The following RNF31 variants were observed in gnomAD, a reference collection of about 807,000 sequenced individuals.
RNF31 encodes E3 ubiquitin-protein ligase RNF31.
RNF31 carries 38 observed loss-of-function variants against 133.6 expected under a neutral mutation model. The observed-to-expected ratio is 0.28, with a 90% CI of 0.22 to 0.37. RNF31 has a LOEUF of 0.37. Among genes scored for constraint, RNF31 ranks in the 10% least tolerant of loss-of-function variants. The probability of loss-of-function intolerance (pLI) is 1.00; values close to 1 mark genes in which losing one functional copy is unlikely to be tolerated. For missense variants in RNF31, 1,118 were observed against 1,394.1 expected (o/e 0.80, Z 3.15); for synonymous variants, 582 against 552.3 (o/e 1.05, Z -0.75).
At position 24,155,210 on chromosome 14, in the gene RNF31, G is replaced by A. The variant is rs767744276; in HGVS notation, c.2184G>A (p.Gln728=). The A allele has an allele frequency of 1.2e-6, 2 of 1,614,116 alleles. No individual in the cohort carries two copies. Among genetic ancestry groups the A allele is most frequent in the Non-Finnish European group, 1.7e-6 (2 of 1,180,040 alleles). The change falls in exon 12 of 21, where the codon CAG becomes CAA. Residue 728 remains glutamine, a synonymous_variant. Coordinates refer to ENST00000324103, the MANE Select transcript of RNF31 (RefSeq NM_017999.5). This position sits in a 1 kb window ranked among gnomAD's most constrained non-coding sequence, Gnocchi z 4.9. ...CCATCTGTCCTGACTGCTTCCGCCA[G>A]CACTTCACCATCGCCTTGAAGGAGA... ...ECTICPDCFR[Q]HFTIALKEKH...
In RNF31 at chr14:24,150,838, C is replaced by A; in HGVS notation, c.1438C>A (p.Arg480Ser). The A allele has an allele frequency of 6.3e-7, 1 of 1,581,068 alleles. No individual in the cohort carries two copies. Among genetic ancestry groups the A allele is most frequent in the South Asian group, 1.2e-5 (1 of 86,716 alleles). ...PSSCGDPEKQRQDKMREEGLQ... is the reference protein window; with the variant it reads ...PSSCGDPEKQSQDKMREEGLQ... ...TTCCTGTGGAGATCCTGAGAAGCAG[C>A]GCCAAGACAAGATGCGGGAAGAAGG... is the stretch of plus-strand genomic sequence containing the variant. The change falls in exon 8 of 21, where the codon CGC (arginine) becomes AGC (serine). Residue 480 changes from arginine (R) to serine (S), a missense_variant. By Grantham distance (110) the Arg-to-Ser change is moderately radical (BLOSUM62 -1). This residue lies in a region of RNF31 where 747 missense variants were observed against 827.9 expected (regional missense o/e 0.90). Transcript: ENST00000324103.
intron 16 of RNF31, 80 bp downstream of exon 16, chr14:24,157,718 G>A: frequency 7.7e-7 from 1 of 1,303,574 alleles, no homozygotes; most frequent in Non-Finnish European, 1.1e-6. Flanking sequence ...TTGAGGAGTG[G>A]CCCCGGGGAA....
Position 24,150,314 on chromosome 14 carries a change from G to A in RNF31, c.1063G>A (p.Ala355Thr), listed in dbSNP as rs2038243682. The change falls in exon 7 of 21, where the codon GCC becomes ACC. Residue 355 changes from alanine to threonine, a missense_variant. By Grantham distance (58) the Ala-to-Thr change is moderately conservative (BLOSUM62 0). Transcript: ENST00000324103. ...ACCTGATCTTGCACGGGGTCGGTGGGCCTGCCAGAGCTGTACCTTTGAGAA... is the reference window on the plus strand; with the variant it reads ...ACCTGATCTTGCACGGGGTCGGTGGACCTGCCAGAGCTGTACCTTTGAGAA... ...LEPDLARGRW[A>T]CQSCTFENEA... The A allele has an allele frequency of 6.2e-7, 1 of 1,614,024 alleles. No homozygotes were observed. The highest frequency in any genetic ancestry group is 8.5e-7 in the Non-Finnish European group (1 of 1,180,026).
chr14:24,158,254 G>T (rs1220039305), intron 18 of RNF31, 55 bp downstream of exon 18: 2 of 1,535,276 alleles, frequency 1.3e-6, no homozygotes, highest in African/African-American at 1.4e-5. Context: ...GGCTCCCACC[G>T]TGTGATGGGT....
chr14:24,159,682 G>C (rs2038415269), intron 18 of RNF31, 182 bp from the exon 19 acceptor site: 4 of 536,706 alleles, frequency 7.5e-6, no homozygotes, highest in African/African-American at 1.9e-5. Context: ...CCCTGCCTCT[G>C]TATCAGATGG....
intron 11 of RNF31, among the ~76,000 whole-genome samples, chr14:24,154,479 T>C (rs1015965177): frequency 7.2e-5 from 11 of 152,182 alleles, no homozygotes; most frequent in African/African-American, 2.2e-4. Context: ...GGTTTCACAA[T>C]GTTGGCCAGG....
chr14:24,151,033 C>A lies in RNF31; in HGVS notation c.1489-98C>A. 6.4e-7 allele frequency: 1 copy of A among 1,556,712 alleles called. No homozygotes were observed. Reference sequence around the variant, plus strand: ...AGTTACCATTGCTGTACACTGATGACATGATCCATATGTCTGAGCTGAGCC... The same window carrying A: ...AGTTACCATTGCTGTACACTGATGAAATGATCCATATGTCTGAGCTGAGCC... On this transcript the variant is annotated intron_variant, in intron 8 of 20. Coordinates refer to ENST00000324103, the MANE Select transcript of RNF31 (RefSeq NM_017999.5). This position sits in a 1 kb window ranked among gnomAD's most constrained non-coding sequence, Gnocchi z 5.3.
chr14:24,150,016 C>T, intron 6 of RNF31, 45 bp from the exon 7 acceptor site: 1 of 1,516,980 alleles, frequency 6.6e-7, no homozygotes, highest in Non-Finnish European at 8.8e-7. Flanking sequence ...GGGATCCAGG[C>T]ACCAGGTGCC....
chr14:24,147,959 G>T lies in RNF31; in HGVS notation c.193-17G>T. The T allele has an allele frequency of 6.2e-7, 1 of 1,614,138 alleles. No individual in the cohort carries two copies. Among genetic ancestry groups the T allele is most frequent in the Non-Finnish European group, 8.5e-7 (1 of 1,180,012 alleles). On this transcript the variant is annotated splice_polypyrimidine_tract_variant and intron_variant, in intron 1 of 20. Coordinates refer to ENST00000324103, the MANE Select transcript of RNF31 (RefSeq NM_017999.5). ...GCCCAGGCCACGCTCACACCTCTCT[G>T]CTCTCCTTGCTCCCAGCCCCGAAAC... is the stretch of plus-strand genomic sequence containing the variant.
intron 16 of RNF31, 41 bp from the exon 17 acceptor site, chr14:24,157,857 A>G (rs376711515): frequency 1.0e-4 from 160 of 1,558,588 alleles, no homozygotes; most frequent in Middle Eastern, 4.3e-4. Flanking sequence ...CAGGACCCCA[A>G]CAGTCTCCAA....
intron 6 of RNF31, 151 bp downstream of exon 6, chr14:24,149,734 C>G (rs1169812546): frequency 2.3e-6 from 2 of 860,052 alleles, no homozygotes; most frequent in African/African-American, 1.7e-5. Context: ...ACATACACAT[C>G]AAGCAGGTAG....
At position 24,152,819 on chromosome 14, in the gene RNF31, C is replaced by T. The variant is rs151302305; in HGVS notation, c.2130+827C>T. On this transcript the variant is annotated intron_variant, in intron 11 of 20. Transcript: ENST00000324103. The stretch of plus-strand genomic sequence containing the variant: ...TTACCAGGCTGGGCGCGGTGGCTCA[C>T]GCCTCTAATGCCAGCACTTTGGGAG... 3.7e-3 allele frequency among the ~76,000 whole-genome samples: 557 copies of T among 152,328 alleles called. 1 individual carries two copies. The highest frequency in any genetic ancestry group is 0.011 in the African/African-American group (444 of 41,578).
In RNF31 at chr14:24,155,728, A is replaced by C. The variant is rs1363460430; in HGVS notation, c.2493+36A>C. 1.3e-6 allele frequency: 2 copies of C among 1,568,670 alleles called. No individual in the cohort carries two copies. Among genetic ancestry groups the C allele is most frequent in the Non-Finnish European group, 1.8e-6 (2 of 1,140,096 alleles). On this transcript the variant is annotated intron_variant, in intron 14 of 20. Coordinates refer to ENST00000324103, the MANE Select transcript of RNF31 (RefSeq NM_017999.5). The surrounding 1 kb of genome is among the most constrained non-coding windows in gnomAD (Gnocchi z 4.9). ...TTCATCCTTTCAGAAATACTTGCTG[A>C]GCTACTGCCAGGTACTGTGTTAGAC...
In RNF31 at chr14:24,155,365, G is replaced by A; in HGVS notation, c.2304+35G>A. 6.2e-7 allele frequency: 1 copy of A among 1,614,010 alleles called. No homozygotes were observed. The highest frequency in any genetic ancestry group is 8.5e-7 in the Non-Finnish European group (1 of 1,179,888). ...CCCCTCTAGGACTCAGGTACCCTGA[G>A]CTTTGAACAGGGACCCTCCCACCCA... On this transcript the variant is annotated intron_variant, in intron 12 of 20. Transcript: ENST00000324103. The surrounding 1 kb of genome is among the most constrained non-coding windows in gnomAD (Gnocchi z 4.9).
In RNF31 at chr14:24,155,662, C is replaced by G; in HGVS notation, c.2463C>G (p.His821Gln). Reference protein sequence around the residue: ...EQLEATCPQCHQTFCVRCKRQ... With the variant: ...EQLEATCPQCQQTFCVRCKRQ... ...TGGAGGCAACTTGTCCCCAGTGTCACCAGACCTTCTGTGTGCGCTGCAAGC... is the reference window on the plus strand; with the variant it reads ...TGGAGGCAACTTGTCCCCAGTGTCAGCAGACCTTCTGTGTGCGCTGCAAGC... The change falls in exon 14 of 21, where the codon CAC becomes CAG. Residue 821 changes from histidine (H) to glutamine (Q), a missense_variant. Transcript: ENST00000324103. The surrounding 1 kb of genome is among the most constrained non-coding windows in gnomAD (Gnocchi z 4.9). 1.2e-6 allele frequency: 2 copies of G among 1,614,178 alleles called. No individual in the cohort carries two copies. The highest frequency in any genetic ancestry group is 1.7e-6 in the Non-Finnish European group (2 of 1,180,030).
Position 24,149,406 on chromosome 14 carries a change from G to C in RNF31, c.632G>C (p.Gly211Ala). 1 of 1,612,368 alleles carries C rather than the reference G, an allele frequency of 6.2e-7. No homozygotes were observed. Among genetic ancestry groups the C allele is most frequent in the Non-Finnish European group, 8.5e-7 (1 of 1,178,700 alleles). ...PGPLTTPSVPGSTPGPCFLCG... is the reference protein window; with the variant it reads ...PGPLTTPSVPASTPGPCFLCG... ...ATGTTCCATCTCTCCTGCCCTCCAG[G>C]CTCCACTCCTGGTCCCTGCTTCCTC... The change falls in exon 6 of 21, where the codon GGC (glycine) becomes GCC (alanine). Residue 211 changes from glycine (G) to alanine (A), a missense_variant and splice_region_variant. By Grantham distance (60) the Gly-to-Ala change is moderately conservative (BLOSUM62 0). Around this residue, in one of 3 missense-constraint regions of RNF31, gnomAD observed 747 missense variants for 827.9 expected, o/e 0.90. Transcript: ENST00000324103.
In RNF31 at chr14:24,160,146, T is replaced by G; in HGVS notation, c.2997-93T>G. ...GTGGGCACAGGTGGGTTGTTAATCTTGTTCGTCCAGGTGTCTCAGAGTCCA... is the reference window on the plus strand; with the variant it reads ...GTGGGCACAGGTGGGTTGTTAATCTGGTTCGTCCAGGTGTCTCAGAGTCCA... On this transcript the variant is annotated intron_variant, in intron 19 of 20. Coordinates refer to ENST00000324103, the MANE Select transcript of RNF31 (RefSeq NM_017999.5). The surrounding 1 kb of genome is among the most constrained non-coding windows in gnomAD (Gnocchi z 4.0). 6.8e-7 allele frequency: 1 copy of G among 1,470,786 alleles called. No homozygotes were observed. The highest frequency in any genetic ancestry group is 9.2e-7 in the Non-Finnish European group (1 of 1,083,394). The allele number at this position is 1,470,786 out of a possible 1,614,324, so 91.1% of individuals were successfully genotyped here.
rs2038255290 is a variant in RNF31 at position 24,150,868 on chromosome 14, C to T, written c.1468C>T (p.Gln490Ter). 1 of 1,560,564 alleles carries T rather than the reference C, an allele frequency of 6.4e-7. No individual in the cohort carries two copies. The highest frequency in any genetic ancestry group is 1.2e-5 in the South Asian group (1 of 82,298). The part of the protein sequence containing the change: ...RQDKMREEGL[Q>*]LVSMIREGEA... ...AGACAAGATGCGGGAAGAAGGCCTCCAGCTAGTGAGCATGATCCGGGTAAG... is the reference window on the plus strand; with the variant it reads ...AGACAAGATGCGGGAAGAAGGCCTCTAGCTAGTGAGCATGATCCGGGTAAG... The change falls in exon 8 of 21, where the codon CAG becomes TAG. Residue 490 changes from glutamine to a stop codon, truncating the protein, a stop_gained. Transcript: ENST00000324103. LOFTEE classifies it high-confidence loss of function.
Position 24,147,695 on chromosome 14 carries a change from C to T in RNF31, c.-4C>T. On this transcript the variant is annotated 5_prime_UTR_variant, in exon 1 of 21. Coordinates refer to ENST00000324103, the MANE Select transcript of RNF31 (RefSeq NM_017999.5). The stretch of plus-strand genomic sequence containing the variant: ...GCGAGGCTGGGGCTGACTCCTGCCT[C>T]AGGATGCCGGGGGAGGAAGAGGAGC... 6.7e-7 allele frequency: 1 copy of T among 1,498,702 alleles called. No homozygotes were observed. Among genetic ancestry groups the T allele is most frequent in the Non-Finnish European group, 8.9e-7 (1 of 1,129,696 alleles). The allele number at this position is 1,498,702 out of a possible 1,614,324, so 92.8% of individuals were successfully genotyped here. A position where few individuals can be genotyped will look rare whatever the true frequency, so the allele number is the denominator to read the frequency against.
Sources: allele counts gnomAD v4.1 joint callset (sites outside exome capture counted in the v4.1 genomes callset), GRCh38; gene constraint gnomAD v4.1.1; regional missense constraint gnomAD v4.1.1; non-coding constraint Gnocchi (gnomAD v3.1); transcripts MANE v1.5; gene names NCBI Gene and HGNC (gene_info 2026-07-23, HGNC 2026-07-21).